ADAM22: variants seen among roughly 807,000 people sequenced by gnomAD.
ADAM22 encodes disintegrin and metalloproteinase domain-containing protein 22.
A neutral mutation model predicts 144.6 loss-of-function variants in ADAM22; 65 were observed. The observed-to-expected ratio is 0.45, with a 90% CI of 0.37 to 0.55. ADAM22 has a LOEUF of 0.55. Among genes scored for constraint, ADAM22 ranks in the 20% least tolerant of loss-of-function variants. The probability of loss-of-function intolerance (pLI) is 0.00; values close to 1 mark genes in which losing one functional copy is unlikely to be tolerated. For missense variants in ADAM22, 974 were observed against 1,184.9 expected, an observed-to-expected ratio of 0.82 and a Z score of 2.61; for synonymous variants, 391 against 412.6, an observed-to-expected ratio of 0.95 and a Z score of 0.63.
At chr7:88,086,810 T>C (rs1483486285) in intron 4 of ADAM22, among the ~76,000 whole-genome samples, 1 of 152,238 alleles carries the variant, frequency 6.6e-6, no homozygotes. Context: ...TGCTGCTTTA[T>C]AGCTTGTTTT....
Position 88,196,671 on chromosome 7 carries a change from C to G in ADAM22, c.*180C>G, listed in dbSNP as rs1586687717. The G allele has an allele frequency of 1.6e-6, 1 of 642,428 alleles. No individual in the cohort carries two copies. The highest frequency in any genetic ancestry group is 2.7e-5 in the East Asian group (1 of 36,388). 39.8% of individuals were successfully genotyped at this position (642,428 alleles called of 1,614,324 possible). On this transcript the variant is annotated 3_prime_UTR_variant, in exon 32 of 32. Transcript: ENST00000413139. ...GTTACCATTTTCTTTTTGTCATTGGCTTAGGATTTAACTAACCATGAAAAG... is the reference window on the plus strand; with the variant it reads ...GTTACCATTTTCTTTTTGTCATTGGGTTAGGATTTAACTAACCATGAAAAG...
intron 3 of ADAM22, among the ~76,000 whole-genome samples, chr7:88,031,871 A>G (rs1800348679): frequency 6.6e-6 from 1 of 152,244 alleles, no homozygotes; most frequent in Non-Finnish European, 1.5e-5. Context: ...GGCCCCAGAT[A>G]CATCTCAGGC....
chr7:88,083,173 C>G (rs1022317206), intron 4 of ADAM22, among the ~76,000 whole-genome samples: 1 of 152,098 alleles, frequency 6.6e-6, no homozygotes, highest in African/African-American at 2.4e-5. Context: ...AAATGATGAG[C>G]TCATGTCCTT....
intron 2 of ADAM22, among the ~76,000 whole-genome samples, chr7:87,954,616 G>A (rs1410041993): frequency 6.6e-6 from 1 of 152,028 alleles, no homozygotes; most frequent in Non-Finnish European, 1.5e-5. Flanking sequence ...TGACAATTAT[G>A]TGTCTTGGAG....
intron 3 of ADAM22, among the ~76,000 whole-genome samples, chr7:87,988,311 T>C (rs150058658): frequency 6.6e-6 from 1 of 152,304 alleles, no homozygotes; most frequent in Non-Finnish European, 1.5e-5. Context: ...GTTATATGAA[T>C]GGTACCTGGG....
chr7:88,102,086 T>C (rs1823090973), intron 4 of ADAM22, among the ~76,000 whole-genome samples: 1 of 152,238 alleles, frequency 6.6e-6, no homozygotes, highest in Admixed American at 6.5e-5. Flanking sequence ...AATACTCACC[T>C]CATCAGTCAT....
chr7:87,935,303 C>T, intron 2 of ADAM22, 117 bp downstream of exon 2: 1 of 1,192,174 alleles, frequency 8.4e-7, no homozygotes. Context: ...GAGTTGGGTC[C>T]CGATGCGAGT....
intron 3 of ADAM22, among the ~76,000 whole-genome samples, chr7:87,980,276 T>A (rs138224359): frequency 7.6e-6 from 1 of 130,840 alleles, no homozygotes; most frequent in Non-Finnish European, 1.6e-5. Flanking sequence ...CTGAGAAACA[T>A]GCACTGTGCT....
intron 29 of ADAM22, among the ~76,000 whole-genome samples, chr7:88,183,234 G>A (rs1234634750): frequency 6.6e-6 from 1 of 152,114 alleles, no homozygotes; most frequent in Non-Finnish European, 1.5e-5. Context: ...ATGCTTTAGG[G>A]CTCATTGTTG....
At chr7:88,007,806 A>G (rs1427406511) in intron 3 of ADAM22, among the ~76,000 whole-genome samples, 1 of 152,172 alleles carries the variant, frequency 6.6e-6, no homozygotes, top group Admixed American at 6.5e-5. Context: ...CTAAAAGAAA[A>G]CCTAGGCATT....
At chr7:87,974,159 C>G (rs377585555) in intron 2 of ADAM22, among the ~76,000 whole-genome samples, 1 of 150,478 alleles carries the variant, frequency 6.6e-6, no homozygotes, top group Non-Finnish European at 1.5e-5. Context: ...AAAAAATTAG[C>G]CAGCCGTGGT....
chr7:88,164,897 C>G (rs1842604509), intron 23 of ADAM22, among the ~76,000 whole-genome samples: 1 of 152,080 alleles, frequency 6.6e-6, no homozygotes. Flanking sequence ...CTTAGTAAGA[C>G]AGGAGTGATA....
At chr7:88,142,244 T>A (rs1352698943) in intron 14 of ADAM22, among the ~76,000 whole-genome samples, 1 of 152,328 alleles carries the variant, frequency 6.6e-6, no homozygotes, top group South Asian at 2.1e-4. Flanking sequence ...TTCAGGATTG[T>A]CCCAGGTTTC....
intron 13 of ADAM22, 140 bp downstream of exon 13, chr7:88,134,559 CTG>C (rs1200365427): frequency 1.2e-5 from 7 of 582,644 alleles, no homozygotes; most frequent in Non-Finnish European, 1.8e-5. Context: ...AGCGCACAAA[CTG>C]TTGTTTTCCA....
intron 3 of ADAM22, among the ~76,000 whole-genome samples, chr7:88,062,698 ACAT>A (rs2129477077): frequency 6.6e-6 from 1 of 152,314 alleles, no homozygotes; most frequent in South Asian, 2.1e-4. Flanking sequence ...TTGGCTTTCA[ACAT>A]GCCTTCCTCA....
intron 1 of ADAM22, 111 bp downstream of exon 1, chr7:87,934,661 T>G (rs1584401180): frequency 3.4e-5 from 1 of 29,420 alleles, no homozygotes; most frequent in Non-Finnish European, 5.3e-5. Flanking sequence ...CGCGGGGAGA[T>G]TTTTTTTTTT....
intron 7 of ADAM22, among the ~76,000 whole-genome samples, chr7:88,124,650 A>G (rs1054329932): frequency 4.0e-5 from 6 of 151,894 alleles, no homozygotes; most frequent in Non-Finnish European, 7.4e-5. Flanking sequence ...TGTTTGTCCT[A>G]TTAGTTAATT....
intron 3 of ADAM22, among the ~76,000 whole-genome samples, chr7:88,039,464 A>AAAAAAAATAT: frequency 3.7e-4 from 28 of 76,398 alleles, no homozygotes; most frequent in African/African-American, 1.3e-3. Context: ...AAAAAAAAAA[A>AAAAAAAATAT]ATATATATAT....
rs1265146401 is a variant in ADAM22 at position 88,171,575 on chromosome 7, A to G, written c.2300+14A>G. ...TCGAGAACAGAGGTATGTAATACAA[A>G]TAATGTGAACATAAAACTGAAAGGT... On this transcript the variant is annotated intron_variant, in intron 26 of 31. Coordinates refer to ENST00000413139, the MANE Select transcript of ADAM22 (RefSeq NM_001324418.2). 1 of 1,574,792 alleles carries G rather than the reference A, an allele frequency of 6.4e-7. No individual in the cohort carries two copies. Among genetic ancestry groups the G allele is most frequent in the South Asian group, 1.2e-5 (1 of 82,756 alleles).
Sources: allele counts gnomAD v4.1 joint callset (sites outside exome capture counted in the v4.1 genomes callset), GRCh38; gene constraint gnomAD v4.1.1; transcripts MANE v1.5; gene names NCBI Gene and HGNC (gene_info 2026-07-23, HGNC 2026-07-21).